PGM2L1: variants seen among roughly 807,000 people sequenced by gnomAD.
PGM2L1 encodes phosphoglucomutase 2 like 1, also known as glucose 1,6-bisphosphate synthase.
A neutral mutation model predicts 73.4 loss-of-function variants in PGM2L1; 35 were observed. The observed-to-expected ratio is 0.48, with a 90% CI of 0.36 to 0.63. The LOEUF (loss-of-function observed/expected upper bound fraction) is 0.63. Ranked by LOEUF, PGM2L1 falls within the 30% of genes least tolerant of loss-of-function variation. PGM2L1 has a pLI of 0.00. For synonymous variants in PGM2L1, 225 were observed against 253.8 expected, an observed-to-expected ratio of 0.89 and a Z score of 1.08; for missense variants, 570 against 742.0, an observed-to-expected ratio of 0.77 and a Z score of 2.69.
chr11:74,360,276 G>GGAAA (rs1862536977), intron 5 of PGM2L1, among the ~76,000 whole-genome samples: 1 of 148,866 alleles, frequency 6.7e-6, no homozygotes, highest in South Asian at 2.2e-4. Context: ...AGAAAGAGAA[G>GGAAA]GAAGGAAGGG....
chr11:74,388,478 T>G (rs542848969), intron 1 of PGM2L1, among the ~76,000 whole-genome samples: 1 of 152,190 alleles, frequency 6.6e-6, no homozygotes, highest in Non-Finnish European at 1.5e-5. Flanking sequence ...TATTTATTCA[T>G]GGACACTTAG....
rs1178491706 is a variant in PGM2L1, at chr11:74,343,320, T to G, written c.1312+3A>C. 1.9e-6 allele frequency: 3 copies of G among 1,587,220 alleles called. No homozygotes were observed. The highest frequency in any genetic ancestry group is 1.2e-5 in the South Asian group (1 of 84,734). On this transcript the variant is annotated splice_donor_region_variant and intron_variant, in intron 10 of 13. Transcript: ENST00000298198. Reference sequence around the variant, plus strand: ...TTTGAAGATTTTAATATTTACTACATACCAATAGACTCTTCAAATGCAAAA... The same window carrying G: ...TTTGAAGATTTTAATATTTACTACAGACCAATAGACTCTTCAAATGCAAAA...
At chr11:74,341,695 GAAAAAAAAAA>G (rs11336177) in intron 12 of PGM2L1, among the ~76,000 whole-genome samples, 3 of 94,068 alleles carry the variant, frequency 3.2e-5, no homozygotes, top group East Asian at 5.6e-4. Context: ...CTGTCTCAAG[GAAAAAAAAAA>G]AAAAAAAAAA....
intron 5 of PGM2L1, among the ~76,000 whole-genome samples, chr11:74,364,863 A>C (rs1862630196): frequency 6.6e-6 from 1 of 152,132 alleles, no homozygotes; most frequent in South Asian, 2.1e-4. Flanking sequence ...GGAAAAAACT[A>C]CTTTAAAGTT....
In PGM2L1 at chr11:74,371,855, T is replaced by A. The variant is rs754896616; in HGVS notation, c.280-38A>T. ...AACACAAAAGATTAGTTCTAATGGATGCTTGCATTTCATATGACTCAGAAT... is the reference window on the plus strand; with the variant it reads ...AACACAAAAGATTAGTTCTAATGGAAGCTTGCATTTCATATGACTCAGAAT... On this transcript the variant is annotated intron_variant, in intron 2 of 13. Coordinates refer to ENST00000298198, the MANE Select transcript of PGM2L1 (RefSeq NM_173582.6). 6 of 1,466,886 alleles carry A rather than the reference T, an allele frequency of 4.1e-6. No homozygotes were observed. In the Admixed American group the frequency reaches 8.4e-5, roughly 20 times the overall value. 90.9% of individuals were successfully genotyped at this position (1,466,886 alleles called of 1,614,324 possible).
chr11:74,346,632 T>C (rs1307724466), intron 8 of PGM2L1, 100 bp downstream of exon 8: 2 of 893,522 alleles, frequency 2.2e-6, no homozygotes, highest in Non-Finnish European at 3.4e-6. Flanking sequence ...AAATTTATGT[T>C]CTTTTCTTAT....
At chr11:74,377,131 A>G (rs1026970630) in intron 1 of PGM2L1, among the ~76,000 whole-genome samples, 26 of 148,806 alleles carry the variant, frequency 1.7e-4, no homozygotes, top group African/African-American at 6.1e-4. Context: ...TATCATTATT[A>G]TTATTTCTTT....
intron 13 of PGM2L1, among the ~76,000 whole-genome samples, chr11:74,337,103 T>G (rs1565433092): frequency 6.6e-6 from 1 of 152,292 alleles, no homozygotes; most frequent in East Asian, 1.9e-4. Flanking sequence ...TGAAATACTT[T>G]GAAAAATATT....
intron 5 of PGM2L1, among the ~76,000 whole-genome samples, chr11:74,361,118 C>A (rs1190762068): frequency 4.6e-5 from 7 of 152,180 alleles, no homozygotes. Flanking sequence ...GGTTCCTGAC[C>A]CCCGAGTAGT....
chr11:74,344,398 C>G (rs969833963), intron 9 of PGM2L1, among the ~76,000 whole-genome samples: 4 of 151,978 alleles, frequency 2.6e-5, no homozygotes, highest in Non-Finnish European at 5.9e-5. Context: ...ATAAAACCAC[C>G]AAGACAGTTA....
chr11:74,362,739 C>T (rs1862585874), intron 5 of PGM2L1, among the ~76,000 whole-genome samples: 1 of 151,640 alleles, frequency 6.6e-6, no homozygotes, highest in Non-Finnish European at 1.5e-5. Flanking sequence ...GCAGGGGTTG[C>T]AATCCTTAGA....
chr11:74,374,653 G>C, intron 1 of PGM2L1, 71 bp from the exon 2 acceptor site: 1 of 1,317,628 alleles, frequency 7.6e-7, no homozygotes, highest in Non-Finnish European at 1.1e-6. Flanking sequence ...CTTCTGAGGG[G>C]TCAATATGTA....
chr11:74,397,745 ATTTTT>A (rs71065081), intron 1 of PGM2L1: 18 of 150,068 alleles, frequency 1.2e-4, no homozygotes, highest in East Asian at 4.1e-4. Flanking sequence ...AATGATGATG[ATTTTT>A]TTTTTTTTTT....
At chr11:74,384,075 T>G (rs961503077) in intron 1 of PGM2L1, among the ~76,000 whole-genome samples, 1 of 151,900 alleles carries the variant, frequency 6.6e-6, no homozygotes, top group Admixed American at 6.6e-5. Flanking sequence ...ATGAATAGCA[T>G]GTTAGACCTT....
chr11:74,338,221 T>A (rs913746542), intron 13 of PGM2L1, among the ~76,000 whole-genome samples: 2 of 152,098 alleles, frequency 1.3e-5, no homozygotes, highest in Admixed American at 6.6e-5. Context: ...GAAGCAAATC[T>A]ATAGAGAAAG....
intron 5 of PGM2L1, among the ~76,000 whole-genome samples, chr11:74,367,637 A>C (rs1237950623): frequency 6.6e-6 from 1 of 152,088 alleles, no homozygotes; most frequent in Non-Finnish European, 1.5e-5. Context: ...TGTCCAAATA[A>C]TCTTATATGC....
At chr11:74,379,034 T>G (rs952065118) in intron 1 of PGM2L1, among the ~76,000 whole-genome samples, 1 of 152,186 alleles carries the variant, frequency 6.6e-6, no homozygotes, top group Admixed American at 6.5e-5. Flanking sequence ...CAATGAGAAG[T>G]GCGTTAGTTT....
At chr11:74,371,572 C>T (rs1339382707) in intron 3 of PGM2L1, 139 bp downstream of exon 3, 1 of 600,356 alleles carries the variant, frequency 1.7e-6, no homozygotes, top group African/African-American at 1.9e-5. Context: ...TCTATTTCAG[C>T]TTTAAAGTAA....
chr11:74,341,695 G>GAAAAAA (rs11336177), intron 12 of PGM2L1, among the ~76,000 whole-genome samples: 4 of 94,088 alleles, frequency 4.3e-5, no homozygotes, highest in Non-Finnish European at 2.0e-5. Context: ...CTGTCTCAAG[G>GAAAAAA]AAAAAAAAAA....
Sources: allele counts gnomAD v4.1 joint callset (sites outside exome capture counted in the v4.1 genomes callset), GRCh38; gene constraint gnomAD v4.1.1; transcripts MANE v1.5; gene names NCBI Gene and HGNC (gene_info 2026-07-23, HGNC 2026-07-21).